GOLGA7: variants seen among roughly 807,000 people sequenced by gnomAD.
GOLGA7 encodes golgin A7, also known as golgin subfamily A member 7.
A neutral mutation model predicts 21.1 loss-of-function variants in GOLGA7; 10 were observed. The ratio of observed to expected loss-of-function variants is 0.47; its 90% CI spans 0.29 to 0.80. GOLGA7 has a LOEUF of 0.80. GOLGA7 is among the 30% of genes least tolerant of loss of function. The pLI is 0.08. For missense variants in GOLGA7, 114 were observed against 166.8 expected, an observed-to-expected ratio of 0.68 and a Z score of 1.74; for synonymous variants, 64 against 62.6, an observed-to-expected ratio of 1.02 and a Z score of -0.10.
intron 2 of GOLGA7, among the ~76,000 whole-genome samples, chr8:41,500,722 G>A (rs947269844): frequency 2.6e-5 from 4 of 152,280 alleles, no homozygotes; most frequent in East Asian, 1.9e-4. Flanking sequence ...GAGCCGCTGC[G>A]CCCAGCAAGA....
chr8:41,505,793 G>A (rs1806271507), intron 2 of GOLGA7, 118 bp from the exon 3 acceptor site: 1 of 578,564 alleles, frequency 1.7e-6, no homozygotes, highest in African/African-American at 1.9e-5. Context: ...TCCACCATAT[G>A]AATATCCATG....
chr8:41,495,028 A>C (rs1805974239), intron 1 of GOLGA7, among the ~76,000 whole-genome samples: 1 of 151,512 alleles, frequency 6.6e-6, no homozygotes, highest in African/African-American at 2.4e-5. Flanking sequence ...ACATGGCAAA[A>C]CCTCGTCTCT....
At chr8:41,491,827 A>T (rs1037452713) in intron 1 of GOLGA7, among the ~76,000 whole-genome samples, 1 of 152,086 alleles carries the variant, frequency 6.6e-6, no homozygotes, top group Non-Finnish European at 1.5e-5. Context: ...CCGTTCAGGG[A>T]TCAATTTCTG....
intron 2 of GOLGA7, among the ~76,000 whole-genome samples, chr8:41,503,919 A>G (rs975628399): frequency 1.7e-4 from 26 of 150,128 alleles, no homozygotes; most frequent in South Asian, 2.1e-4. Context: ...GAATTGAACA[A>G]TGAGATCACA....
At chr8:41,503,205 A>AT (rs1408081033) in intron 2 of GOLGA7, among the ~76,000 whole-genome samples, 3 of 63,044 alleles carry the variant, frequency 4.8e-5, no homozygotes, top group South Asian at 6.8e-4. Context: ...ACTAAAGTTT[A>AT]TAAAAAAAAA....
rs765741491 is a variant in GOLGA7 at position 41,497,459 on chromosome 8, TTGA to T, written c.112-48_112-46del. ...ATAAATTAATGATAGCATGCATTAG[TTGA>T]TTTTTTTTTTCCAAAACTTAATTTT... On this transcript the variant is annotated intron_variant, in intron 1 of 4. Transcript: ENST00000357743. The T allele has an allele frequency of 4.8e-6, 5 of 1,044,644 alleles. No homozygotes were observed. In the South Asian group the frequency reaches 8.3e-5, roughly 17 times the overall value. The allele number at this position is 1,044,644 out of a possible 1,614,324, so 64.7% of individuals were successfully genotyped here.
chr8:41,499,929 C>T (rs1456042091), intron 2 of GOLGA7, among the ~76,000 whole-genome samples: 1 of 151,254 alleles, frequency 6.6e-6, no homozygotes, highest in Non-Finnish European at 1.5e-5. Context: ...CATATCAATA[C>T]ACAGAGAAGC....
At chr8:41,500,301 C>T (rs112016111) in intron 2 of GOLGA7, among the ~76,000 whole-genome samples, 1 of 152,068 alleles carries the variant, frequency 6.6e-6, no homozygotes, top group African/African-American at 2.4e-5. Context: ...CAGAAGAGGC[C>T]TCTGAGGTGG....
rs58682911 is a variant in GOLGA7, at chr8:41,504,120, T to TAAAAA, written c.265-1779_265-1775dup. On this transcript the variant is annotated intron_variant, in intron 2 of 4. Transcript: ENST00000357743. ...ATGTACCCTAAAACTTAGAGTATAA[T>TAAAAA]AAAAAAAAAAAAAAAACAAAACAAA... 9.6e-4 allele frequency among the ~76,000 whole-genome samples: 116 copies of TAAAAA among 121,114 alleles called. 1 individual carries two copies. The highest frequency in any genetic ancestry group is 2.0e-3 in the African/African-American group (62 of 31,402). 79.5% of individuals were successfully genotyped at this position (121,114 alleles called of 152,430 possible).
At chr8:41,490,471 G>A (rs565696904), upstream of GOLGA7, 45 of 198,842 alleles carry the variant, frequency 2.3e-4, no homozygotes, top group African/African-American at 1.0e-3. Context: ...GCGCAGCTTC[G>A]GCAGGGTGGC....
chr8:41,496,267 G>T (rs769853696), intron 1 of GOLGA7, among the ~76,000 whole-genome samples: 22 of 152,040 alleles, frequency 1.4e-4, no homozygotes, highest in Non-Finnish European at 2.8e-4. Flanking sequence ...GGCTGGAAGG[G>T]TCTTTTTCTC....
At position 41,509,837 on chromosome 8, in the gene GOLGA7, T is replaced by G. The variant is rs1306876542; in HGVS notation, c.*269T>G. 1 of 152,666 alleles carries G rather than the reference T, an allele frequency of 6.6e-6. No individual in the cohort carries two copies. The highest frequency in any genetic ancestry group is 1.5e-5 in the Non-Finnish European group (1 of 68,054). 9.5% of individuals were successfully genotyped at this position (152,666 alleles called of 1,614,324 possible). ...AAAACACAATGAAGCACTTCACTTT[T>G]TTTTATTCAAAGCCATTTAATAAAA... is the stretch of plus-strand genomic sequence containing the variant. On this transcript the variant is annotated 3_prime_UTR_variant, in exon 5 of 5. Transcript: ENST00000357743.
intron 1 of GOLGA7, 112 bp from the exon 2 acceptor site, chr8:41,497,397 C>A: frequency 1.6e-6 from 1 of 625,780 alleles, no homozygotes; most frequent in Non-Finnish European, 2.7e-6. Flanking sequence ...ATTTAGTCAC[C>A]AAAAAAATTG....
intron 2 of GOLGA7, among the ~76,000 whole-genome samples, chr8:41,503,989 A>G: frequency 1.5e-5 from 2 of 137,776 alleles, no homozygotes; most frequent in Admixed American, 1.5e-4. Context: ...GGGAGCGGGG[A>G]GGGATAGCAT....
intron 2 of GOLGA7, among the ~76,000 whole-genome samples, chr8:41,501,878 C>T (rs1806158377): frequency 6.6e-6 from 1 of 152,138 alleles, no homozygotes; most frequent in African/African-American, 2.4e-5. Context: ...GAAGATGGTC[C>T]TAAATACCAG....
chr8:41,504,972 A>G (rs1806249674), intron 2 of GOLGA7, among the ~76,000 whole-genome samples: 1 of 152,230 alleles, frequency 6.6e-6, no homozygotes, highest in Non-Finnish European at 1.5e-5. Context: ...GTGTGAATTT[A>G]AGGAAATATA....
At chr8:41,501,675 C>T (rs2150443690) in intron 2 of GOLGA7, among the ~76,000 whole-genome samples, 1 of 152,362 alleles carries the variant, frequency 6.6e-6, no homozygotes, top group Admixed American at 6.5e-5. Flanking sequence ...GGGCTACAGG[C>T]ATGAGCCACT....
At chr8:41,491,247 C>T (rs1805875599) in intron 1 of GOLGA7, among the ~76,000 whole-genome samples, 1 of 152,176 alleles carries the variant, frequency 6.6e-6, no homozygotes, top group South Asian at 2.1e-4. Context: ...CTGCTGCACT[C>T]CCCCAAATCC....
At chr8:41,508,662 A>G (rs965913528) in intron 4 of GOLGA7, among the ~76,000 whole-genome samples, 3 of 152,252 alleles carry the variant, frequency 2.0e-5, no homozygotes, top group Non-Finnish European at 2.9e-5. Flanking sequence ...GGTTTGAGCA[A>G]TTACACACCA....
Sources: gnomAD v4.1 joint callset for allele counts (sites outside exome capture counted in the v4.1 genomes callset) on GRCh38, gnomAD v4.1.1 for gene constraint, MANE v1.5 for transcripts, NCBI Gene and HGNC (gene_info 2026-07-23, HGNC 2026-07-21) for gene names.